Variants in PHF20 observed in about 807,000 individuals in gnomAD.
The protein encoded by PHF20 is PHD finger protein 20, also known as glioma-expressed antigen 2.
In PHF20, 23 loss-of-function variants were observed where a neutral mutation model predicts 113.5. The ratio of observed to expected loss-of-function variants is 0.20; its 90% CI spans 0.15 to 0.29. The LOEUF is 0.29. Ranked by LOEUF, PHF20 falls within the 10% of genes least tolerant of loss-of-function variation. PHF20 has a pLI of 1.00. For missense variants in PHF20, 943 were observed against 1,219.6 expected (o/e 0.77, Z 3.38); for synonymous variants, 434 against 457.3 (o/e 0.95, Z 0.65).
chr20:35,918,267 G>T (rs1290044610), intron 13 of PHF20, among the ~76,000 whole-genome samples: 2 of 152,042 alleles, frequency 1.3e-5, no homozygotes, highest in African/African-American at 4.8e-5. Flanking sequence ...GGCTCCTAAG[G>T]GTGTCACAAG....
rs1409492758 is a variant in PHF20 at position 35,805,758 on chromosome 20, GCATAA to G, written c.83+4154_83+4158del. ...GCCTCCCAAAATGCTGGGGTTACAG[GCATAA>G]GTCACCATACCTGATCTATATAAAT... On this transcript the variant is annotated intron_variant, in intron 2 of 17. Coordinates refer to ENST00000374012, the MANE Select transcript of PHF20 (RefSeq NM_016436.5). Among the ~76,000 whole-genome samples, 5 of 152,138 alleles carry G rather than the reference GCATAA, an allele frequency of 3.3e-5. No individual in the cohort carries two copies. The East Asian group carries it at 9.6e-4, about 29-fold the overall frequency.
intron 2 of PHF20, among the ~76,000 whole-genome samples, chr20:35,809,532 T>A (rs1361898502): frequency 6.6e-6 from 1 of 150,764 alleles, no homozygotes; most frequent in Non-Finnish European, 1.5e-5. Context: ...TGAGCTGAGA[T>A]TGTGCCACTA....
chr20:35,883,287 A>C (rs2054667806), intron 9 of PHF20, among the ~76,000 whole-genome samples: 1 of 152,184 alleles, frequency 6.6e-6, no homozygotes, highest in Non-Finnish European at 1.5e-5. Context: ...TTATTTACCT[A>C]GCCCCTGCTG....
chr20:35,827,371 A>G (rs1184929224), intron 2 of PHF20, among the ~76,000 whole-genome samples: 1 of 152,268 alleles, frequency 6.6e-6, no homozygotes, highest in African/African-American at 2.4e-5. Flanking sequence ...TCTGGGGGAA[A>G]GTTAAGTCAA....
At chr20:35,867,841 C>A (rs891869536) in intron 6 of PHF20, among the ~76,000 whole-genome samples, 5 of 151,456 alleles carry the variant, frequency 3.3e-5, no homozygotes, top group East Asian at 1.9e-4. Flanking sequence ...CTTCTTCCCT[C>A]TTCCTTTCCT....
chr20:35,915,252 G>A (rs1291360889), intron 12 of PHF20, among the ~76,000 whole-genome samples: 1 of 150,468 alleles, frequency 6.6e-6, no homozygotes, highest in Non-Finnish European at 1.5e-5. Flanking sequence ...GTAAGTGGAT[G>A]TGCAGGTGAA....
At chr20:35,940,344 C>G (rs2147130025) in intron 16 of PHF20, among the ~76,000 whole-genome samples, 1 of 152,160 alleles carries the variant, frequency 6.6e-6, no homozygotes, top group African/African-American at 2.4e-5. Flanking sequence ...TGATGGTAAG[C>G]TGACTGTAAG....
At chr20:35,859,941 G>C (rs150957776) in intron 5 of PHF20, among the ~76,000 whole-genome samples, 1 of 151,846 alleles carries the variant, frequency 6.6e-6, no homozygotes, top group East Asian at 1.9e-4. Context: ...TTTTTTTTGA[G>C]ACCGAGTCTC....
intron 1 of PHF20, among the ~76,000 whole-genome samples, chr20:35,773,964 T>G (rs2041118458): frequency 6.6e-6 from 1 of 152,134 alleles, no homozygotes; most frequent in Admixed American, 6.6e-5. Flanking sequence ...GCTTTCTTAC[T>G]ATCTTTTATG....
chr20:35,780,024 G>T (rs1384260493), intron 1 of PHF20, among the ~76,000 whole-genome samples: 1 of 152,084 alleles, frequency 6.6e-6, no homozygotes, highest in Non-Finnish European at 1.5e-5. Flanking sequence ...TTTGTCCAAG[G>T]TCATTTGGCT....
At chr20:35,931,621 G>C (rs1231612909) in intron 15 of PHF20, among the ~76,000 whole-genome samples, 177 bp downstream of exon 15, 1 of 151,820 alleles carries the variant, frequency 6.6e-6, no homozygotes, top group Non-Finnish European at 1.5e-5. Context: ...AAACTTTATT[G>C]AGTAATATCT....
intron 2 of PHF20, among the ~76,000 whole-genome samples, chr20:35,825,735 C>T (rs1279679795): frequency 6.6e-6 from 1 of 152,036 alleles, no homozygotes; most frequent in African/African-American, 2.4e-5. Flanking sequence ...TACACTACAG[C>T]CTTCAATTCT....
intron 2 of PHF20, among the ~76,000 whole-genome samples, chr20:35,805,221 C>T (rs1016277775): frequency 2.0e-5 from 3 of 151,778 alleles, no homozygotes; most frequent in Admixed American, 2.0e-4. Context: ...TTTTTCCAGA[C>T]AAGGTCTCAT....
chr20:35,944,852 C>T (rs551605748), intron 17 of PHF20, among the ~76,000 whole-genome samples: 7 of 152,310 alleles, frequency 4.6e-5, no homozygotes, highest in East Asian at 1.9e-4. Context: ...CAGGCGTGCA[C>T]GTCCGGCCTC....
At chr20:35,804,385 C>G (rs978277628) in intron 2 of PHF20, among the ~76,000 whole-genome samples, 2 of 152,048 alleles carry the variant, frequency 1.3e-5, no homozygotes, top group Non-Finnish European at 2.9e-5. Context: ...AGGCACCCAC[C>G]ACCATGCCCA....
intron 3 of PHF20, among the ~76,000 whole-genome samples, chr20:35,843,291 A>G (rs2042563959): frequency 6.6e-6 from 1 of 151,498 alleles, no homozygotes; most frequent in South Asian, 2.1e-4. Flanking sequence ...AGGCGGAGAC[A>G]GGCAAATCAC....
In PHF20 at chr20:35,803,387, G is replaced by A. The variant is rs2041820983; in HGVS notation, c.83+1782G>A. ...CATTCAGGCTGGAGTGTAGTGGCGT[G>A]ATCTCGGCTCACTGCAGTCTTTGCC... is the stretch of plus-strand genomic sequence containing the variant. On this transcript the variant is annotated intron_variant, in intron 2 of 17. Coordinates refer to ENST00000374012, the MANE Select transcript of PHF20 (RefSeq NM_016436.5). Among the ~76,000 whole-genome samples, 13 of 150,154 alleles carry A rather than the reference G, an allele frequency of 8.7e-5. No individual in the cohort carries two copies. In the South Asian group the frequency reaches 2.8e-3, roughly 32 times the overall value.
chr20:35,794,223 C>G (rs1236921485), intron 1 of PHF20, among the ~76,000 whole-genome samples: 2 of 150,414 alleles, frequency 1.3e-5, no homozygotes, highest in Admixed American at 6.7e-5. Flanking sequence ...TCTCTTGAAC[C>G]TGGGAGATGG....
At chr20:35,905,998 G>A (rs2055194181) in intron 10 of PHF20, among the ~76,000 whole-genome samples, 1 of 152,214 alleles carries the variant, frequency 6.6e-6, no homozygotes. Context: ...AGCCAGCTCA[G>A]GCTCCCTTGG....
Sources: gnomAD v4.1 joint callset for allele counts (sites outside exome capture counted in the v4.1 genomes callset) on GRCh38, gnomAD v4.1.1 for gene constraint, MANE v1.5 for transcripts, NCBI Gene and HGNC (gene_info 2026-07-23, HGNC 2026-07-21) for gene names.